Variants in SPATA7 observed in about 807,000 individuals in gnomAD.
The protein encoded by SPATA7 is spermatogenesis associated 7, also known as spermatogenesis-associated protein 7.
A neutral mutation model predicts 51.8 loss-of-function variants in SPATA7; 43 were observed. That is an observed-to-expected ratio of 0.83 (90% CI 0.65 to 1.07). The LOEUF (loss-of-function observed/expected upper bound fraction) is 1.07, where lower values mean the gene tolerates loss of function less well. Ranked by LOEUF, SPATA7 falls within the 50% of genes least tolerant of loss-of-function variation. SPATA7 has a pLI of 0.00. For missense variants in SPATA7, 683 were observed against 701.3 expected, an observed-to-expected ratio of 0.97 and a Z score of 0.30; for synonymous variants, 230 against 252.8, an observed-to-expected ratio of 0.91 and a Z score of 0.86.
At chr14:88,460,077 C>T (rs1046346952), downstream of SPATA7, among the ~76,000 whole-genome samples, 39 of 152,228 alleles carry the variant, frequency 2.6e-4, no homozygotes, top group African/African-American at 7.0e-4. Context: ...TGCTGAGATT[C>T]GCCGTTAGTC....
At chr14:88,463,416 A>C (rs1419698129) in intron 4 of SPATA7, among the ~76,000 whole-genome samples, 1 of 152,198 alleles carries the variant, frequency 6.6e-6, no homozygotes, top group East Asian at 1.9e-4. Flanking sequence ...ACAGACACTT[A>C]ACTTCAGTTG....
chr14:88,394,690 A>T (rs960094140), intron 3 of SPATA7, among the ~76,000 whole-genome samples: 1 of 152,282 alleles, frequency 6.6e-6, no homozygotes, highest in African/African-American at 2.4e-5. Flanking sequence ...TAGAACTGTG[A>T]GGTAATATAT....
chr14:88,396,141 A>G lies in SPATA7; in HGVS notation c.191-15A>G. On this transcript the variant is annotated splice_polypyrimidine_tract_variant and intron_variant, in intron 3 of 11. Coordinates refer to ENST00000393545, the MANE Select transcript of SPATA7 (RefSeq NM_018418.5). ...ATACTGACAATATTATTAAACTATT[A>G]CCTTTCTCTTTCAGCTGCAGTAGAC... 1 of 1,597,770 alleles carries G rather than the reference A, an allele frequency of 6.3e-7. No individual in the cohort carries two copies. The highest frequency in any genetic ancestry group is 8.6e-7 in the Non-Finnish European group (1 of 1,166,264).
downstream of SPATA7, among the ~76,000 whole-genome samples, chr14:88,442,791 A>T (rs2077186480): frequency 6.6e-6 from 1 of 151,914 alleles, no homozygotes; most frequent in Non-Finnish European, 1.5e-5. Flanking sequence ...TATTAGGGTG[A>T]TCATGGCTTC....
intron 3 of SPATA7, among the ~76,000 whole-genome samples, chr14:88,450,173 A>C (rs183434370): frequency 6.6e-6 from 1 of 151,998 alleles, no homozygotes; most frequent in African/African-American, 2.4e-5. Flanking sequence ...CCTTTACCTA[A>C]GTTTATGTGA....
chr14:88,435,474 T>G (rs1298426357), intron 10 of SPATA7, among the ~76,000 whole-genome samples: 1 of 152,166 alleles, frequency 6.6e-6, no homozygotes. Context: ...AATGTACAAT[T>G]AAGTTACTAT....
chr14:88,447,536 G>C (rs2077222620), intron 3 of SPATA7, among the ~76,000 whole-genome samples: 1 of 151,920 alleles, frequency 6.6e-6, no homozygotes, highest in African/African-American at 2.4e-5. Context: ...TATGATGTTA[G>C]CTGGTTATTT....
intron 10 of SPATA7, among the ~76,000 whole-genome samples, chr14:88,435,288 T>C (rs953047196): frequency 1.3e-5 from 2 of 152,318 alleles, no homozygotes; most frequent in Non-Finnish European, 2.9e-5. Context: ...TTTTTAATTA[T>C]TTTTTAAAAT....
chr14:88,434,727 A>T (rs1243625730), intron 10 of SPATA7, among the ~76,000 whole-genome samples: 1 of 151,926 alleles, frequency 6.6e-6, no homozygotes, highest in Non-Finnish European at 1.5e-5. Context: ...AAAAAACAAG[A>T]TAGATACCCA....
chr14:88,387,849 A>G (rs1032591860), intron 1 of SPATA7, among the ~76,000 whole-genome samples: 2 of 152,300 alleles, frequency 1.3e-5, no homozygotes, highest in East Asian at 1.9e-4. Flanking sequence ...AAGATTGAGA[A>G]TAACAAACTG....
At chr14:88,468,298 T>C in intron 4 of SPATA7, 1 of 1,567,172 alleles carries the variant, frequency 6.4e-7, no homozygotes. Context: ...GAAGATAATG[T>C]GTTCCCCTGG....
At chr14:88,459,657 A>G (rs1022085648), downstream of SPATA7, among the ~76,000 whole-genome samples, 1 of 151,326 alleles carries the variant, frequency 6.6e-6, no homozygotes. Flanking sequence ...ATGGGTCTTG[A>G]CTCTTTATCC....
At chr14:88,434,939 A>G (rs1224213008) in intron 10 of SPATA7, among the ~76,000 whole-genome samples, 1 of 152,204 alleles carries the variant, frequency 6.6e-6, no homozygotes, top group African/African-American at 2.4e-5. Context: ...CTAGCAAATG[A>G]TAACAAAGGA....
chr14:88,421,999 A>T (rs2076659544), intron 5 of SPATA7, among the ~76,000 whole-genome samples: 1 of 151,724 alleles, frequency 6.6e-6, no homozygotes, highest in Admixed American at 6.6e-5. Flanking sequence ...TGAGTGGATG[A>T]TGTGAAGAGT....
chr14:88,386,175 C>G lies in SPATA7; in HGVS notation c.19+338C>G, dbSNP rs557058832. On this transcript the variant is annotated intron_variant, in intron 1 of 11. Transcript: ENST00000393545. ...TTTGGAGTCAGACCTCCCCGGGCCC[C>G]AAATCAAACCCCTCTGCTCTCCATG... 1.3e-4 allele frequency: 76 copies of G among 565,104 alleles called. No homozygotes were observed. In the South Asian group the frequency reaches 1.6e-3, roughly 12 times the overall value. The allele number at this position is 565,104 out of a possible 1,614,324, so 35.0% of individuals were successfully genotyped here.
At chr14:88,448,975 A>C (rs1182238701) in intron 3 of SPATA7, among the ~76,000 whole-genome samples, 1 of 151,996 alleles carries the variant, frequency 6.6e-6, no homozygotes, top group African/African-American at 2.4e-5. Flanking sequence ...TAATCTCACT[A>C]ATGGTCTATC....
chr14:88,468,382 C>T (rs1176939191), intron 4 of SPATA7: 15 of 1,000,574 alleles, frequency 1.5e-5, no homozygotes, highest in Non-Finnish European at 2.0e-5. Flanking sequence ...CTCTTTTCCA[C>T]CTTAGCGTCT....
Position 88,411,155 on chromosome 14 carries a change from G to A in SPATA7, c.239-5556G>A, listed in dbSNP as rs28748114. Among the ~76,000 whole-genome samples the A allele has an allele frequency of 6.5e-3, 983 of 152,260 alleles. 7 individuals carry two copies. The highest frequency in any genetic ancestry group is 0.022 in the African/African-American group (932 of 41,542). ...CTCCGCCCAGTCTGAACTTCCTGGC[G>A]GCTTTGTTTACACTGTGAGGGAAAA... On this transcript the variant is annotated intron_variant, in intron 4 of 11. Coordinates refer to ENST00000393545, the MANE Select transcript of SPATA7 (RefSeq NM_018418.5).
chr14:88,410,382 A>G (rs1353087931), intron 4 of SPATA7, among the ~76,000 whole-genome samples: 3 of 151,708 alleles, frequency 2.0e-5, no homozygotes, highest in Non-Finnish European at 4.4e-5. Context: ...GTTGGTTTAA[A>G]GTCTGTTTTT....
Sources: gnomAD v4.1 joint callset for allele counts (sites outside exome capture counted in the v4.1 genomes callset) on GRCh38, gnomAD v4.1.1 for gene constraint, MANE v1.5 for transcripts, NCBI Gene and HGNC (gene_info 2026-07-23, HGNC 2026-07-21) for gene names.